Variants in IPO11 observed in about 807,000 individuals in gnomAD.
The protein encoded by IPO11 is importin-11.
A neutral mutation model predicts 143.2 loss-of-function variants in IPO11; 66 were observed. That is an observed-to-expected ratio of 0.46 (90% CI 0.38 to 0.57). The LOEUF (loss-of-function observed/expected upper bound fraction) is 0.57, where lower values mean the gene tolerates loss of function less well. Ranked by LOEUF, IPO11 falls within the 20% of genes least tolerant of loss-of-function variation. The pLI is 0.00. For missense variants in IPO11, 1,026 were observed against 1,141.0 expected (o/e 0.90, Z 1.45); for synonymous variants, 385 against 377.8 (o/e 1.02, Z -0.22).
chr5:62,593,321 C>T (rs886701560), intron 28 of IPO11, among the ~76,000 whole-genome samples: 1 of 152,070 alleles, frequency 6.6e-6, no homozygotes, highest in Non-Finnish European at 1.5e-5. Context: ...TTATCTAGTG[C>T]AGTCTCATGG....
intron 29 of IPO11, among the ~76,000 whole-genome samples, chr5:62,613,423 C>T (rs990881812): frequency 6.6e-6 from 1 of 150,722 alleles, no homozygotes; most frequent in African/African-American, 2.4e-5. Context: ...CCACCTCAGC[C>T]CTCCAAGTAG....
chr5:62,478,266 A>G (rs577908436), intron 9 of IPO11, among the ~76,000 whole-genome samples: 6 of 152,254 alleles, frequency 3.9e-5, no homozygotes, highest in African/African-American at 1.4e-4. Context: ...TGTGGGCTCA[A>G]GTGATCCTTC....
chr5:62,457,282 GT>G (rs1486938939), intron 5 of IPO11, among the ~76,000 whole-genome samples: 1 of 152,012 alleles, frequency 6.6e-6, no homozygotes, highest in African/African-American at 2.4e-5. Flanking sequence ...GGGGCCAGGA[GT>G]TTGAGACTAG....
At chr5:62,614,182 A>T (rs994909992) in intron 29 of IPO11, among the ~76,000 whole-genome samples, 13 of 152,226 alleles carry the variant, frequency 8.5e-5, no homozygotes, top group Non-Finnish European at 1.9e-4. Context: ...AACTATTCAG[A>T]TATTATTTAT....
chr5:62,469,661 C>T (rs183058908), intron 6 of IPO11, among the ~76,000 whole-genome samples: 1 of 152,070 alleles, frequency 6.6e-6, no homozygotes, highest in African/African-American at 2.4e-5. Context: ...GAAATGTTGC[C>T]CAAAGTAGTA....
At chr5:62,534,119 C>T (rs1053158209) in intron 22 of IPO11, among the ~76,000 whole-genome samples, 7 of 152,114 alleles carry the variant, frequency 4.6e-5, no homozygotes, top group African/African-American at 9.7e-5. Flanking sequence ...CTTTTCCCTA[C>T]GTGTAAATAG....
At chr5:62,515,023 T>C (rs902459168) in intron 19 of IPO11, among the ~76,000 whole-genome samples, 1 of 152,210 alleles carries the variant, frequency 6.6e-6, no homozygotes, top group African/African-American at 2.4e-5. Context: ...AATGAATGAA[T>C]AGATGCTGAC....
At chr5:62,474,333 T>G in intron 7 of IPO11, 83 bp from the exon 8 acceptor site, 1 of 819,804 alleles carries the variant, frequency 1.2e-6, no homozygotes. Flanking sequence ...ATGTGATAGA[T>G]TTGTTTTGGT....
chr5:62,493,607 C>T (rs1741024428), intron 15 of IPO11, among the ~76,000 whole-genome samples: 1 of 150,596 alleles, frequency 6.6e-6, no homozygotes, highest in African/African-American at 2.4e-5. Flanking sequence ...TGATCTGTTG[C>T]CTAGGCTGGA....
At chr5:62,444,697 C>T (rs988184241) in intron 3 of IPO11, among the ~76,000 whole-genome samples, 1 of 151,848 alleles carries the variant, frequency 6.6e-6, no homozygotes, top group African/African-American at 2.4e-5. Context: ...GGCGAAACCC[C>T]ACCTCTTCTA....
chr5:62,462,164 G>A (rs1259412934), intron 5 of IPO11, among the ~76,000 whole-genome samples: 1 of 152,122 alleles, frequency 6.6e-6, no homozygotes, highest in Non-Finnish European at 1.5e-5. Context: ...GAAATAGAGT[G>A]GAATTACTGA....
intron 1 of IPO11, among the ~76,000 whole-genome samples, chr5:62,429,220 T>C (rs1021504850): frequency 2.0e-5 from 3 of 152,174 alleles, no homozygotes; most frequent in Non-Finnish European, 2.9e-5. Context: ...CTTTGTGTTA[T>C]AAATTTGCCT....
At chr5:62,553,171 T>C (rs1194504521) in intron 26 of IPO11, among the ~76,000 whole-genome samples, 2 of 152,212 alleles carry the variant, frequency 1.3e-5, no homozygotes, top group African/African-American at 4.8e-5. Context: ...TTTGAGGTCA[T>C]CTTTTTTAGC....
intron 7 of IPO11, among the ~76,000 whole-genome samples, chr5:62,473,745 T>A (rs1745864866): frequency 6.6e-6 from 1 of 152,156 alleles, no homozygotes; most frequent in African/African-American, 2.4e-5. Flanking sequence ...CTTATTAAAA[T>A]TTTTAAGTTT....
At chr5:62,603,726 A>T (rs1326285931) in intron 29 of IPO11, among the ~76,000 whole-genome samples, 1 of 152,236 alleles carries the variant, frequency 6.6e-6, no homozygotes, top group Non-Finnish European at 1.5e-5. Flanking sequence ...AGAACATGCA[A>T]ACTCCACACA....
intron 26 of IPO11, among the ~76,000 whole-genome samples, chr5:62,558,347 T>G (rs1362047869): frequency 2.6e-5 from 4 of 152,202 alleles, no homozygotes; most frequent in Admixed American, 6.5e-5. Flanking sequence ...TATTTAACAA[T>G]TTTTGAAGTG....
intron 29 of IPO11, among the ~76,000 whole-genome samples, chr5:62,621,035 A>G (rs1746344769): frequency 6.6e-6 from 1 of 152,236 alleles, no homozygotes; most frequent in Non-Finnish European, 1.5e-5. Context: ...GTTAGGTTGA[A>G]TAATGGCACT....
chr5:62,573,342 A>G (rs1289267101), intron 27 of IPO11, among the ~76,000 whole-genome samples: 1 of 152,256 alleles, frequency 6.6e-6, no homozygotes, highest in African/African-American at 2.4e-5. Context: ...CACTCTATCA[A>G]TAAATAGATC....
At chr5:62,504,569 G>A (rs1173544611) in intron 16 of IPO11, 98 bp from the exon 17 acceptor site, 1 of 671,144 alleles carries the variant, frequency 1.5e-6, no homozygotes, top group African/African-American at 1.9e-5. Context: ...ATAATAATAA[G>A]AGTACAGAAA....
Sources: allele counts gnomAD v4.1 joint callset (sites outside exome capture counted in the v4.1 genomes callset), GRCh38; gene constraint gnomAD v4.1.1; transcripts MANE v1.5; gene names NCBI Gene and HGNC (gene_info 2026-07-23, HGNC 2026-07-21).